The following RAI1 variants were observed in gnomAD, a reference collection of about 807,000 sequenced individuals.
The protein encoded by RAI1 is retinoic acid induced 1.
A neutral mutation model predicts 123.8 loss-of-function variants in RAI1; 9 were observed. The observed-to-expected ratio is 0.07, with a 90% CI of 0.04 to 0.13. The LOEUF is 0.13. Among genes scored for constraint, RAI1 ranks in the 10% least tolerant of loss-of-function variants. RAI1 has a pLI of 1.00. For synonymous variants in RAI1, 1,231 were observed against 1,127.3 expected, an observed-to-expected ratio of 1.09 and a Z score of -1.84; for missense variants, 2,256 against 2,545.8, an observed-to-expected ratio of 0.89 and a Z score of 2.45.
At chr17:17,704,239 A>G (rs1915322146) in intron 1 of RAI1, among the ~76,000 whole-genome samples, 1 of 152,372 alleles carries the variant, frequency 6.6e-6, no homozygotes, top group South Asian at 2.1e-4. Context: ...CATGGTGGAC[A>G]AAGACTTGAA....
intron 1 of RAI1, among the ~76,000 whole-genome samples, chr17:17,699,323 G>GCACC (rs1302195787): frequency 6.6e-6 from 1 of 152,248 alleles, no homozygotes; most frequent in Non-Finnish European, 1.5e-5. Flanking sequence ...GCCAAGCACA[G>GCACC]CACCGCTGCC....
intron 1 of RAI1, among the ~76,000 whole-genome samples, chr17:17,682,027 C>T (rs1199749144): frequency 7.0e-6 from 1 of 141,948 alleles, no homozygotes; most frequent in South Asian, 2.2e-4. Flanking sequence ...CGCCCTGCGC[C>T]GCGGCTGAGG....
intron 2 of RAI1, among the ~76,000 whole-genome samples, chr17:17,780,741 C>T (rs1383702498): frequency 6.6e-5 from 10 of 152,246 alleles, no homozygotes; most frequent in Non-Finnish European, 2.9e-5. Context: ...CTCCAGCAGT[C>T]TGAGCCTTAT....
intron 2 of RAI1, chr17:17,765,962 G>A (rs976905168): frequency 6.6e-6 from 1 of 152,284 alleles, no homozygotes; most frequent in African/African-American, 2.4e-5. Flanking sequence ...GAGCCTCCCA[G>A]CCTGAGCGGT....
chr17:17,752,629 T>C (rs2030249749), intron 2 of RAI1, among the ~76,000 whole-genome samples: 1 of 152,134 alleles, frequency 6.6e-6, no homozygotes, highest in South Asian at 2.1e-4. Flanking sequence ...CGCCCCCTAA[T>C]CCTCATCCGG....
chr17:17,738,021 G>A (rs116301116), intron 2 of RAI1, among the ~76,000 whole-genome samples: 3 of 152,316 alleles, frequency 2.0e-5, no homozygotes, highest in African/African-American at 7.2e-5. Flanking sequence ...CAGGGGGGCA[G>A]GTGGCTTCAC....
chr17:17,764,125 G>A (rs961067595), intron 2 of RAI1, among the ~76,000 whole-genome samples: 3 of 152,236 alleles, frequency 2.0e-5, no homozygotes, highest in Non-Finnish European at 4.4e-5. Context: ...TTTGGTGGTG[G>A]TGCCGACACT....
rs1445217001 is a variant in RAI1, at chr17:17,750,352, A to C, written c.-17+26193A>C. ...TTTATTCTTACAACAGCCCTACAGG[A>C]GGGTATTATAATTAGCCCAGTTTAC... On this transcript the variant is annotated intron_variant, in intron 2 of 5. Coordinates refer to ENST00000353383, the MANE Select transcript of RAI1 (RefSeq NM_030665.4). Among the ~76,000 whole-genome samples, 4 of 152,216 alleles carry C rather than the reference A, an allele frequency of 2.6e-5. No homozygotes were observed. The East Asian group carries it at 7.7e-4, about 29-fold the overall frequency.
chr17:17,751,890 G>A (rs1353548663), intron 2 of RAI1, among the ~76,000 whole-genome samples: 1 of 152,150 alleles, frequency 6.6e-6, no homozygotes, highest in Non-Finnish European at 1.5e-5. Flanking sequence ...TTATGTTGCT[G>A]CTTATTGGCT....
rs2032748338 is a variant in RAI1 at position 17,810,962 on chromosome 17, C to T, written c.*981C>T. 3.1e-6 allele frequency: 1 copy of T among 323,390 alleles called. No individual in the cohort carries two copies. Among genetic ancestry groups the T allele is most frequent in the Non-Finnish European group, 6.3e-6 (1 of 157,790 alleles). The allele number at this position is 323,390 out of a possible 1,614,324, so 20.0% of individuals were successfully genotyped here. A position where few individuals can be genotyped will look rare whatever the true frequency, so the allele number is the denominator to read the frequency against. Reference sequence around the variant, plus strand: ...ATGTTGGGAACATGCTCGCTTCTCCCGTGTGTCGCCGCCGTGCGTCGTGCG... The same window carrying T: ...ATGTTGGGAACATGCTCGCTTCTCCTGTGTGTCGCCGCCGTGCGTCGTGCG... On this transcript the variant is annotated 3_prime_UTR_variant, in exon 6 of 6. Transcript: ENST00000353383. This position sits in a 1 kb window ranked among gnomAD's most constrained non-coding sequence, Gnocchi z 4.6.
At chr17:17,747,880 A>C (rs1388358652) in intron 2 of RAI1, among the ~76,000 whole-genome samples, 1 of 152,216 alleles carries the variant, frequency 6.6e-6, no homozygotes, top group Non-Finnish European at 1.5e-5. Flanking sequence ...CCTGGGCAAC[A>C]CAGTGAGACC....
chr17:17,747,881 C>T (rs905079423), intron 2 of RAI1, among the ~76,000 whole-genome samples: 5 of 152,188 alleles, frequency 3.3e-5, no homozygotes, highest in Non-Finnish European at 7.3e-5. Flanking sequence ...CTGGGCAACA[C>T]AGTGAGACCC....
chr17:17,793,203 G>A lies in RAI1; in HGVS notation c.255G>A (p.Leu85=). 1.9e-6 allele frequency: 3 copies of A among 1,612,630 alleles called. No individual in the cohort carries two copies. The highest frequency in any genetic ancestry group is 1.7e-6 in the Non-Finnish European group (2 of 1,179,646). Residue 85 remains leucine (L), a synonymous_variant, in exon 3 of 6, where the codon CTG becomes CTA. Coordinates refer to ENST00000353383, the MANE Select transcript of RAI1 (RefSeq NM_030665.4). ...AGTACCACCGAGGCAGCAAGGCCCTGCCCACACAGCAAGGCCTGCAGGGGA... is the reference window on the plus strand; with the variant it reads ...AGTACCACCGAGGCAGCAAGGCCCTACCCACACAGCAAGGCCTGCAGGGGA... ...ADKYHRGSKA[L]PTQQGLQGRP...
In RAI1 at chr17:17,792,963, A is replaced by C. The variant is rs769715744; in HGVS notation, c.15A>C (p.Arg5=). Residue 5 remains arginine, a synonymous_variant, in exon 3 of 6, where the codon CGA becomes CGC. Transcript: ENST00000353383. MQSF[R]ERCGFHGKQQ... The stretch of plus-strand genomic sequence containing the variant: ...CAGCCCGAGTCATGCAGTCTTTTCG[A>C]GAAAGGTGTGGTTTCCATGGCAAAC... 1 of 1,421,610 alleles carries C rather than the reference A, an allele frequency of 7.0e-7. No individual in the cohort carries two copies. Among genetic ancestry groups the C allele is most frequent in the Non-Finnish European group, 9.4e-7 (1 of 1,062,590 alleles). 88.1% of individuals were successfully genotyped at this position (1,421,610 alleles called of 1,614,324 possible).
chr17:17,724,757 C>T (rs2142933284), intron 2 of RAI1, among the ~76,000 whole-genome samples: 1 of 152,322 alleles, frequency 6.6e-6, no homozygotes, highest in Admixed American at 6.5e-5. Context: ...CCTCGGGCCG[C>T]TGCGGCCCCT....
intron 2 of RAI1, among the ~76,000 whole-genome samples, chr17:17,746,634 CTT>C (rs377692656): frequency 2.5e-5 from 3 of 120,396 alleles, no homozygotes; most frequent in Non-Finnish European, 3.4e-5. Flanking sequence ...CTTTTCTTTT[CTT>C]TTTTTTTTTT....
At chr17:17,750,748 G>T (rs945468275) in intron 2 of RAI1, among the ~76,000 whole-genome samples, 1 of 149,838 alleles carries the variant, frequency 6.7e-6, no homozygotes, top group Non-Finnish European at 1.5e-5. Context: ...TGGAGATGCA[G>T]CAGCCAAAGG....
At chr17:17,740,540 T>G (rs73294188) in intron 2 of RAI1, among the ~76,000 whole-genome samples, 3,770 of 152,220 alleles carry the variant, frequency 0.025, 94 homozygotes, top group African/African-American at 0.061. Flanking sequence ...GTACAGGCAC[T>G]TCTCTAAGGT....
chr17:17,741,905 G>A (rs1916649528), intron 2 of RAI1, among the ~76,000 whole-genome samples: 1 of 152,254 alleles, frequency 6.6e-6, no homozygotes, highest in Non-Finnish European at 1.5e-5. Flanking sequence ...GATGACGATA[G>A]AACAGGAGGG....
Sources: allele counts gnomAD v4.1 joint callset (sites outside exome capture counted in the v4.1 genomes callset), GRCh38; gene constraint gnomAD v4.1.1; non-coding constraint Gnocchi (gnomAD v3.1); transcripts MANE v1.5; gene names NCBI Gene and HGNC (gene_info 2026-07-23, HGNC 2026-07-21).